The following BCL6 variants were observed in gnomAD, a reference collection of about 807,000 sequenced individuals.
BCL6 encodes the protein B-cell lymphoma 6 protein.
A neutral mutation model predicts 59.5 loss-of-function variants in BCL6; 7 were observed. The observed-to-expected ratio is 0.12, with a 90% CI of 0.07 to 0.22. The LOEUF is 0.22. BCL6 is among the 10% of genes least tolerant of loss of function. The pLI is 1.00. For missense variants in BCL6, 685 were observed against 939.4 expected, an observed-to-expected ratio of 0.73 and a Z score of 3.54; for synonymous variants, 339 against 349.7, an observed-to-expected ratio of 0.97 and a Z score of 0.34.
At chr3:187,738,758 C>A (rs552065366) in intron 1 of BCL6, among the ~76,000 whole-genome samples, 101 of 152,318 alleles carry the variant, frequency 6.6e-4, no homozygotes, top group African/African-American at 2.4e-3. Flanking sequence ...CCTTCTGCGG[C>A]AAGCGGAAGG....
At chr3:187,742,186 C>A (rs552265438) in intron 1 of BCL6, among the ~76,000 whole-genome samples, 1 of 152,132 alleles carries the variant, frequency 6.6e-6, no homozygotes, top group Non-Finnish European at 1.5e-5. Flanking sequence ...AATAGTTTCA[C>A]CCACCGAGGG....
At position 187,729,189 on chromosome 3, in the gene BCL6, G is replaced by A; in HGVS notation, c.1216C>T (p.Arg406Ter). The A allele has an allele frequency of 6.3e-7, 1 of 1,590,808 alleles. No individual in the cohort carries two copies. Among genetic ancestry groups the A allele is most frequent in the Non-Finnish European group, 8.6e-7 (1 of 1,167,150 alleles). Residue 406 changes from arginine to a stop codon, truncating the protein, a stop_gained, in exon 5 of 10, where the codon CGA (arginine) becomes TGA (stop). Coordinates refer to ENST00000406870, the MANE Select transcript of BCL6 (RefSeq NM_001706.5). LOFTEE classifies it high-confidence loss of function. This position sits in a 1 kb window ranked among gnomAD's most constrained non-coding sequence, Gnocchi z 5.6. Reference sequence around the variant, plus strand: ...CAGGCAGGTGGGGCCGTGTAGGCTCGTGGGGAAAGGCGGCCCAGCTCAGCC... The same window carrying A: ...CAGGCAGGTGGGGCCGTGTAGGCTCATGGGGAAAGGCGGCCCAGCTCAGCC... Reference protein sequence around the residue: ...EQAELGRLSPRAYTAPPACQP... With the variant: ...EQAELGRLSP
intron 1 of BCL6, among the ~76,000 whole-genome samples, chr3:187,742,440 A>G (rs1579829230): frequency 6.6e-6 from 1 of 152,372 alleles, no homozygotes; most frequent in African/African-American, 2.4e-5. Context: ...AAGCATTGGT[A>G]TAAAACCCTT....
intron 1 of BCL6, among the ~76,000 whole-genome samples, chr3:187,743,188 C>A (rs1278167358): frequency 6.6e-6 from 1 of 151,730 alleles, no homozygotes. Context: ...TTTTTAAAAT[C>A]CAGACTGTAA....
At chr3:187,745,145 A>T (rs559225125) in intron 1 of BCL6, among the ~76,000 whole-genome samples, 3 of 152,130 alleles carry the variant, frequency 2.0e-5, no homozygotes, top group Admixed American at 6.5e-5. Context: ...ATACATAACA[A>T]TCTATATCCT....
intron 3 of BCL6, 54 bp downstream of exon 3, chr3:187,733,479 C>T (rs748417949): frequency 1.3e-6 from 2 of 1,589,840 alleles, no homozygotes; most frequent in Non-Finnish European, 1.7e-6. Flanking sequence ...TGCTTGGCTG[C>T]CAGCACCATC....
chr3:187,729,198 G>C lies in BCL6; in HGVS notation c.1207C>G (p.Leu403Val), dbSNP rs780897268. 4 of 1,604,466 alleles carry C rather than the reference G, an allele frequency of 2.5e-6. No homozygotes were observed. In the African/African-American group the frequency reaches 5.4e-5, roughly 22 times the overall value. The change falls in exon 5 of 10, where the codon CTT becomes GTT. Residue 403 changes from leucine to valine, a missense_variant. Leu to Val is a conservative substitution (Grantham distance 32). Transcript: ENST00000406870. The surrounding 1 kb of genome is among the most constrained non-coding windows in gnomAD (Gnocchi z 5.6). ...EGPEQAELGR[L>V]SPRAYTAPPA... ...GGGGCCGTGTAGGCTCGTGGGGAAA[G>C]GCGGCCCAGCTCAGCCTGCTCAGGC...
At chr3:187,743,356 C>T (rs1362964199) in intron 1 of BCL6, among the ~76,000 whole-genome samples, 1 of 151,472 alleles carries the variant, frequency 6.6e-6, no homozygotes, top group Non-Finnish European at 1.5e-5. Flanking sequence ...GGGGAGGGGG[C>T]GCGGAGTGGA....
At position 187,729,859 on chromosome 3, in the gene BCL6, G is replaced by A; in HGVS notation, c.546C>T (p.Pro182=). The A allele has an allele frequency of 6.2e-7, 1 of 1,614,088 alleles. No individual in the cohort carries two copies. Among genetic ancestry groups the A allele is most frequent in the Non-Finnish European group, 8.5e-7 (1 of 1,179,988 alleles). ...APGCESRAFA[P]SLYSGLSTPP... ...GTGTGGACAGGCCACTGTACAGGCT[G>A]GGGGCAAAGGCTCTGCTCTCACACC... Residue 182 remains proline (P), a synonymous_variant, in exon 5 of 10, where the codon CCC becomes CCT. Coordinates refer to ENST00000406870, the MANE Select transcript of BCL6 (RefSeq NM_001706.5). This position sits in a 1 kb window ranked among gnomAD's most constrained non-coding sequence, Gnocchi z 5.6.
intron 9 of BCL6, among the ~76,000 whole-genome samples, chr3:187,723,435 A>G (rs1420504013): frequency 1.3e-5 from 2 of 152,272 alleles, no homozygotes; most frequent in Admixed American, 1.3e-4. Context: ...TACGAACTTT[A>G]GCTTATAATT....
At chr3:187,733,449 A>G in intron 3 of BCL6, 84 bp downstream of exon 3, 2 of 1,499,728 alleles carry the variant, frequency 1.3e-6, no homozygotes, top group Non-Finnish European at 1.8e-6. Flanking sequence ...GATGCAGTAA[A>G]AGGCCCACAT....
intron 1 of BCL6, chr3:187,736,830 AC>A (rs1377547303): frequency 6.6e-6 from 1 of 152,082 alleles, no homozygotes; most frequent in Non-Finnish European, 1.5e-5. Flanking sequence ...GTGTGGAAGC[AC>A]CACCAGCATT....
Position 187,726,781 on chromosome 3 carries a change from G to C in BCL6, c.1658C>G (p.Ala553Gly). Residue 553 changes from alanine (A) to glycine (G), a missense_variant, in exon 7 of 10, where the codon GCC becomes GGC. Transcript: ENST00000406870. ...GAGGTTGCCCTTGTAGCGGAAGGAG[G>C]CCTGGCAGCGGTCACACTTGTAGGG... ...DKPYKCDRCQ[A>G]SFRYKGNLAS... The C allele has an allele frequency of 6.2e-7, 1 of 1,614,194 alleles. No individual in the cohort carries two copies.
chr3:187,722,774 C>T (rs1362236710), intron 9 of BCL6, among the ~76,000 whole-genome samples, 173 bp from the exon 10 acceptor site: 1 of 152,224 alleles, frequency 6.6e-6, no homozygotes, highest in Non-Finnish European at 1.5e-5. Flanking sequence ...GATAAGCTAG[C>T]GTTGTGCAAA....
At chr3:187,723,466 T>C (rs1718522392) in intron 9 of BCL6, among the ~76,000 whole-genome samples, 1 of 152,240 alleles carries the variant, frequency 6.6e-6, no homozygotes, top group African/African-American at 2.4e-5. Context: ...TATTGGTTCA[T>C]TAGTTGTGAC....
At chr3:187,733,220 T>C (rs977878912) in intron 3 of BCL6, among the ~76,000 whole-genome samples, 2 of 152,134 alleles carry the variant, frequency 1.3e-5, no homozygotes, top group African/African-American at 4.8e-5. Flanking sequence ...TTTGAAATCT[T>C]TTCTCATTTT....
At position 187,722,317 on chromosome 3, in the gene BCL6, C is replaced by T. The variant is rs1269132482; in HGVS notation, c.*141G>A. On this transcript the variant is annotated 3_prime_UTR_variant, in exon 10 of 10. Transcript: ENST00000406870. ...CCAGTCCCCCAGGCCCCGACCCCCACCACCCCCAACCCCCAGCTATGATTT... is the reference window on the plus strand; with the variant it reads ...CCAGTCCCCCAGGCCCCGACCCCCATCACCCCCAACCCCCAGCTATGATTT... 4.5e-6 allele frequency: 2 copies of T among 448,090 alleles called. No homozygotes were observed. Among genetic ancestry groups the T allele is most frequent in the Non-Finnish European group, 6.7e-6 (2 of 299,726 alleles). The allele number at this position is 448,090 out of a possible 1,614,324, so 27.8% of individuals were successfully genotyped here.
intron 9 of BCL6, 73 bp downstream of exon 9, chr3:187,724,868 C>T (rs991461177): frequency 1.9e-6 from 3 of 1,593,670 alleles, no homozygotes; most frequent in Middle Eastern, 1.7e-4. Flanking sequence ...CCACCTCCTT[C>T]CCTGCGCTCC....
At chr3:187,735,122 A>G (rs9869180) in intron 1 of BCL6, among the ~76,000 whole-genome samples, 149,134 of 152,326 alleles carry the variant, frequency 0.98, 73,083 homozygotes, top group Middle Eastern at 1. Context: ...GTTTTTATCC[A>G]GAGTACTGGG....
Sources: gnomAD v4.1 joint callset for allele counts (sites outside exome capture counted in the v4.1 genomes callset) on GRCh38, gnomAD v4.1.1 for gene constraint, Gnocchi (gnomAD v3.1) non-coding constraint, MANE v1.5 for transcripts, NCBI Gene and HGNC (gene_info 2026-07-23, HGNC 2026-07-21) for gene names.